Variants in GTF2E2 observed in about 807,000 individuals in gnomAD.
GTF2E2 encodes the protein general transcription factor IIE subunit 2.
In GTF2E2, 21 loss-of-function variants were observed where a neutral mutation model predicts 40.5. That is an observed-to-expected ratio of 0.52 (90% CI 0.37 to 0.75). The LOEUF is 0.75. Ranked by LOEUF, GTF2E2 falls within the 30% of genes least tolerant of loss-of-function variation. The probability of loss-of-function intolerance (pLI) is 0.00; values close to 1 mark genes in which losing one functional copy is unlikely to be tolerated. For synonymous variants in GTF2E2, 117 were observed against 121.6 expected, an observed-to-expected ratio of 0.96 and a Z score of 0.25; for missense variants, 298 against 338.4, an observed-to-expected ratio of 0.88 and a Z score of 0.94.
chr8:30,585,772 T>TAA lies in GTF2E2; in HGVS notation c.644-5378_644-5377dup, dbSNP rs146018850. 2.6e-3 allele frequency among the ~76,000 whole-genome samples: 178 copies of TAA among 67,660 alleles called. 7 individuals carry two copies. The highest frequency in any genetic ancestry group is 3.3e-3 in the South Asian group (4 of 1,222). The allele number at this position is 67,660 out of a possible 152,430, so 44.4% of individuals were successfully genotyped here. On this transcript the variant is annotated intron_variant, in intron 6 of 7. Transcript: ENST00000355904. ...AGCATTAAGGTACATCTTTGCCCTT[T>TAA]AAAAAAAAAAAAAAAAAAAAAAAAA...
intron 6 of GTF2E2, among the ~76,000 whole-genome samples, chr8:30,605,361 GA>G (rs533593603): frequency 2.0e-5 from 3 of 151,456 alleles, no homozygotes; most frequent in South Asian, 2.1e-4. Flanking sequence ...GTTTAAAGTT[GA>G]AAAAAAATCA....
At chr8:30,606,254 A>G (rs1338420942) in intron 6 of GTF2E2, among the ~76,000 whole-genome samples, 1 of 152,216 alleles carries the variant, frequency 6.6e-6, no homozygotes, top group Non-Finnish European at 1.5e-5. Flanking sequence ...CAAAAATACA[A>G]TTTCCTAAAA....
At chr8:30,656,111 G>C (rs1007292831) in intron 1 of GTF2E2, among the ~76,000 whole-genome samples, 13 of 152,064 alleles carry the variant, frequency 8.5e-5, no homozygotes, top group African/African-American at 3.1e-4. Flanking sequence ...ACCGCACCCG[G>C]CCTCAGTTTC....
At chr8:30,594,070 A>G (rs1828924863) in intron 6 of GTF2E2, among the ~76,000 whole-genome samples, 1 of 151,958 alleles carries the variant, frequency 6.6e-6, no homozygotes, top group South Asian at 2.1e-4. Flanking sequence ...AGCTGGGATT[A>G]CAGGCGCATG....
chr8:30,627,226 A>G (rs921631330), intron 3 of GTF2E2, among the ~76,000 whole-genome samples: 1 of 152,204 alleles, frequency 6.6e-6, no homozygotes, highest in Non-Finnish European at 1.5e-5. Flanking sequence ...TGACAAACCA[A>G]CATATTTCAC....
chr8:30,634,516 T>C (rs531232134), intron 3 of GTF2E2, among the ~76,000 whole-genome samples: 8 of 152,320 alleles, frequency 5.3e-5, no homozygotes, highest in African/African-American at 1.7e-4. Flanking sequence ...AACTTTGTAT[T>C]CAAAAAATAC....
rs921765290 is a variant in GTF2E2 at position 30,621,978 on chromosome 8, AT to A, written c.259-7264del. On this transcript the variant is annotated intron_variant, in intron 3 of 7. Transcript: ENST00000355904. ...CTAGGGGGTTCTTATATATATATAT[AT>A]TTTTTTATTATACTTTAAAGTTCTA... Among the ~76,000 whole-genome samples the A allele has an allele frequency of 1.4e-3, 149 of 107,748 alleles. 2 individuals carry two copies. In the East Asian group the frequency reaches 0.019, roughly 13 times the overall value. 70.7% of individuals were successfully genotyped at this position (107,748 alleles called of 152,430 possible).
chr8:30,611,450 T>C (rs186257160), intron 5 of GTF2E2, among the ~76,000 whole-genome samples: 1 of 152,014 alleles, frequency 6.6e-6, no homozygotes, highest in African/African-American at 2.4e-5. Flanking sequence ...CAAAAGATAC[T>C]TGTCACGAAT....
intron 6 of GTF2E2, among the ~76,000 whole-genome samples, chr8:30,588,643 AC>A (rs1828751609): frequency 6.6e-6 from 1 of 152,176 alleles, no homozygotes; most frequent in East Asian, 1.9e-4. Flanking sequence ...ATTTGAGCAG[AC>A]CTAATGTAAT....
At chr8:30,590,865 A>G (rs865781707) in intron 6 of GTF2E2, among the ~76,000 whole-genome samples, 3 of 151,290 alleles carry the variant, frequency 2.0e-5, no homozygotes, top group Non-Finnish European at 4.4e-5. Flanking sequence ...TGATTTTTGT[A>G]TTTTTAGTAG....
chr8:30,644,904 CCAT>C (rs1250679805), intron 2 of GTF2E2, among the ~76,000 whole-genome samples: 1 of 152,096 alleles, frequency 6.6e-6, no homozygotes, highest in Non-Finnish European at 1.5e-5. Flanking sequence ...GCACACACCA[CCAT>C]GCCTGGCTAA....
At chr8:30,613,175 A>G (rs1376849620) in intron 4 of GTF2E2, among the ~76,000 whole-genome samples, 1 of 152,252 alleles carries the variant, frequency 6.6e-6, no homozygotes, top group Non-Finnish European at 1.5e-5. Context: ...TGCCCACTCC[A>G]TCTGCAAAGT....
intron 2 of GTF2E2, chr8:30,645,853 T>G (rs1462464197): frequency 2.7e-6 from 1 of 371,302 alleles, no homozygotes; most frequent in African/African-American, 2.1e-5. Flanking sequence ...GATAAAAGAT[T>G]CCTAGAGTTC....
At chr8:30,649,590 A>G (rs2128729693) in intron 2 of GTF2E2, among the ~76,000 whole-genome samples, 1 of 152,336 alleles carries the variant, frequency 6.6e-6, no homozygotes, top group African/African-American at 2.4e-5. Flanking sequence ...CAGGCCTGTA[A>G]TCCCAGCACT....
chr8:30,626,866 G>C (rs1211277817), intron 3 of GTF2E2, among the ~76,000 whole-genome samples: 7 of 152,174 alleles, frequency 4.6e-5, no homozygotes, highest in African/African-American at 1.7e-4. Flanking sequence ...TCCAGCAAAA[G>C]TGAAAAATCA....
intron 6 of GTF2E2, among the ~76,000 whole-genome samples, chr8:30,604,645 T>C (rs1346761588): frequency 6.6e-6 from 1 of 152,236 alleles, no homozygotes; most frequent in South Asian, 2.1e-4. Flanking sequence ...AAGATTTAAC[T>C]ACCAAGCATA....
intron 3 of GTF2E2, among the ~76,000 whole-genome samples, chr8:30,615,417 A>G (rs1284170507): frequency 6.6e-6 from 1 of 152,226 alleles, no homozygotes; most frequent in African/African-American, 2.4e-5. Context: ...CAGAAATACC[A>G]GTACCACACA....
intron 2 of GTF2E2, chr8:30,644,571 AG>A (rs1440402012): frequency 3.3e-5 from 5 of 151,684 alleles, no homozygotes; most frequent in African/African-American, 1.2e-4. Context: ...TGAACCAAAA[AG>A]GTAAGAAGAA....
intron 6 of GTF2E2, among the ~76,000 whole-genome samples, chr8:30,596,703 T>C (rs1049777879): frequency 7.9e-5 from 12 of 152,224 alleles, no homozygotes; most frequent in African/African-American, 2.9e-4. Flanking sequence ...AAAAACTTTT[T>C]TGAAAGCAGG....
Sources: allele counts gnomAD v4.1 joint callset (sites outside exome capture counted in the v4.1 genomes callset), GRCh38; gene constraint gnomAD v4.1.1; transcripts MANE v1.5; gene names NCBI Gene and HGNC (gene_info 2026-07-23, HGNC 2026-07-21).